FAM171A2: variants seen among roughly 807,000 people sequenced by gnomAD.
The protein encoded by FAM171A2 is protein FAM171A2.
In FAM171A2, 13 loss-of-function variants were observed where a neutral mutation model predicts 34.2. The observed-to-expected ratio is 0.38, with a 90% CI of 0.25 to 0.60. The LOEUF (loss-of-function observed/expected upper bound fraction) is 0.60, where lower values mean the gene tolerates loss of function less well. FAM171A2 is among the 20% of genes least tolerant of loss of function. FAM171A2 has a pLI of 0.62. For missense variants in FAM171A2, 950 were observed against 1,180.7 expected (o/e 0.80, Z 2.86); for synonymous variants, 475 against 561.2 (o/e 0.85, Z 2.17).
In FAM171A2 at chr17:44,354,299, C is replaced by A; in HGVS notation, c.1915G>T (p.Glu639Ter). ...ACGCCCAGTTCCAGCAGCTTCTTCT[C>A]GGTCAGGGCCTGCAGCTCCCCGTTG... The part of the protein sequence containing the change: ...QLNGELQALT[E>*]KKLLELGVKP... Residue 639 changes from glutamate (E) to a stop codon, truncating the protein, a stop_gained, in exon 8 of 8, where the codon GAG becomes TAG. Coordinates refer to ENST00000293443, the MANE Select transcript of FAM171A2 (RefSeq NM_198475.3). LOFTEE classifies it low-confidence loss of function (END_TRUNC). This position sits in a 1 kb window ranked among gnomAD's most constrained non-coding sequence, Gnocchi z 5.8. 1 of 1,452,350 alleles carries A rather than the reference C, an allele frequency of 6.9e-7. No individual in the cohort carries two copies. Among genetic ancestry groups the A allele is most frequent in the Non-Finnish European group, 9.1e-7 (1 of 1,093,282 alleles). The allele number at this position is 1,452,350 out of a possible 1,614,324, so 90.0% of individuals were successfully genotyped here. A position where few individuals can be genotyped will look rare whatever the true frequency, so the allele number is the denominator to read the frequency against.
intron 1 of FAM171A2, 53 bp from the exon 2 acceptor site, chr17:44,360,185 C>G: frequency 7.0e-7 from 1 of 1,425,510 alleles, no homozygotes; most frequent in Non-Finnish European, 9.6e-7. Flanking sequence ...GGAAAGAGAA[C>G]TGGGGGGAGC....
At chr17:44,362,550 C>T (rs1252002062) in intron 1 of FAM171A2, among the ~76,000 whole-genome samples, 1 of 152,212 alleles carries the variant, frequency 6.6e-6, no homozygotes, top group East Asian at 1.9e-4. Context: ...ATGGGGCCCA[C>T]AGGCAGGAGA....
intron 3 of FAM171A2, among the ~76,000 whole-genome samples, chr17:44,357,730 C>CGTGTGTGTGTGTGT (rs141824631): frequency 0.035 from 4,987 of 143,226 alleles, 129 homozygotes; most frequent in African/African-American, 0.049. Context: ...CAGTTTAGGT[C>CGTGTGTGTGTGTGT]GTGTGTGTGT....
intron 1 of FAM171A2, among the ~76,000 whole-genome samples, chr17:44,362,560 A>AG (rs2048452187): frequency 6.6e-6 from 1 of 152,072 alleles, no homozygotes; most frequent in African/African-American, 2.4e-5. Flanking sequence ...CAGGCAGGAG[A>AG]GGGAGAGCAG....
chr17:44,357,466 G>T (rs2048429513), intron 3 of FAM171A2, among the ~76,000 whole-genome samples: 1 of 151,852 alleles, frequency 6.6e-6, no homozygotes, highest in African/African-American at 2.4e-5. Context: ...GGCCAAGATG[G>T]TGAAACCCCA....
At chr17:44,356,648 G>A in intron 3 of FAM171A2, 60 bp from the exon 4 acceptor site, 1 of 1,465,300 alleles carries the variant, frequency 6.8e-7, no homozygotes, top group Non-Finnish European at 9.0e-7. Flanking sequence ...AGGGACCAGA[G>A]CAGAAACCCA....
chr17:44,357,889 T>C (rs572364006), intron 3 of FAM171A2, among the ~76,000 whole-genome samples: 25 of 152,286 alleles, frequency 1.6e-4, no homozygotes, highest in Middle Eastern at 3.4e-3. Flanking sequence ...ATTAGGAAAA[T>C]AGCCCCTGAG....
Position 44,354,595 on chromosome 17 carries a change from A to G in FAM171A2, c.1619T>C (p.Leu540Pro). The change falls in exon 8 of 8, where the codon CTG becomes CCG. Residue 540 changes from leucine to proline, a missense_variant. By Grantham distance (98) the Leu-to-Pro change is moderately conservative (BLOSUM62 -3). Around this residue, in one of 3 missense-constraint regions of FAM171A2, gnomAD observed 752 missense variants for 924.5 expected, o/e 0.81. Coordinates refer to ENST00000293443, the MANE Select transcript of FAM171A2 (RefSeq NM_198475.3). The surrounding 1 kb of genome is among the most constrained non-coding windows in gnomAD (Gnocchi z 5.8). ...GCGCACGTAGTGCGCGGGGATCACC[A>G]GGGTGGGCATGACGTTGCGGTAGAC... ...DNVYRNVMPTLVIPAHYVRLG... is the reference protein window; with the variant it reads ...DNVYRNVMPTPVIPAHYVRLG... 1 of 1,242,746 alleles carries G rather than the reference A, an allele frequency of 8.0e-7. No homozygotes were observed. Among genetic ancestry groups the G allele is most frequent in the Admixed American group, 4.3e-5 (1 of 23,498 alleles). 77.0% of individuals were successfully genotyped at this position (1,242,746 alleles called of 1,614,324 possible).
In FAM171A2 at chr17:44,353,860, AGCTCGCTGGCGCTGCT is replaced by A; in HGVS notation, c.2338_2353del (p.Ser780CysfsTer36). On this transcript the variant is annotated frameshift_variant, in exon 8 of 8. Coordinates refer to ENST00000293443, the MANE Select transcript of FAM171A2 (RefSeq NM_198475.3). LOFTEE classifies it low-confidence loss of function (END_TRUNC). ...CGGGCTGGTGAGCGAGTCGCGCCGC[AGCTCGCTGGCGCTGCT>A]GCGGGAGCTGTCCCCGCGGCTGCGG... 1 of 1,379,044 alleles carries A rather than the reference AGCTCGCTGGCGCTGCT, an allele frequency of 7.3e-7. No individual in the cohort carries two copies. The highest frequency in any genetic ancestry group is 9.4e-7 in the Non-Finnish European group (1 of 1,065,440). The allele number at this position is 1,379,044 out of a possible 1,614,324, so 85.4% of individuals were successfully genotyped here. A position where few individuals can be genotyped will look rare whatever the true frequency, so the allele number is the denominator to read the frequency against.
At position 44,354,104 on chromosome 17, in the gene FAM171A2, TCGCGGGCCGGCGGCG is replaced by T. The variant is rs1180996924; in HGVS notation, c.2095_2109del (p.Arg700_Arg704del). On this transcript the variant is annotated inframe_deletion, in exon 8 of 8. Transcript: ENST00000293443. The surrounding 1 kb of genome is among the most constrained non-coding windows in gnomAD (Gnocchi z 5.8). ...GGCGGGGCGCGCTCCCGCTCCTCCC[TCGCGGGCCGGCGGCG>T]CGCGGGCCGCGCCTCGTGGACATCT... 6 of 1,122,234 alleles carry T rather than the reference TCGCGGGCCGGCGGCG, an allele frequency of 5.3e-6. No individual in the cohort carries two copies. Among genetic ancestry groups the T allele is most frequent in the East Asian group, 4.4e-5 (1 of 22,632 alleles). 69.5% of individuals were successfully genotyped at this position (1,122,234 alleles called of 1,614,324 possible). A position where few individuals can be genotyped will look rare whatever the true frequency, so the allele number is the denominator to read the frequency against.
Position 44,355,852 on chromosome 17 carries a change from CGAGGGCTTAGCGTTCAGG to C in FAM171A2, c.896-29_896-12del. 6.4e-7 allele frequency: 1 copy of C among 1,551,556 alleles called. No homozygotes were observed. Among genetic ancestry groups the C allele is most frequent in the Non-Finnish European group, 8.7e-7 (1 of 1,146,962 alleles). On this transcript the variant is annotated splice_polypyrimidine_tract_variant and intron_variant, in intron 6 of 7. Coordinates refer to ENST00000293443, the MANE Select transcript of FAM171A2 (RefSeq NM_198475.3). The surrounding 1 kb of genome is among the most constrained non-coding windows in gnomAD (Gnocchi z 4.1). ...TGATGGTGACCAGCCCTGTGCCAGG[CGAGGGCTTAGCGTTCAGG>C]TGTAGACACCCTTCCTGCCTTTCAG...
chr17:44,360,660 G>A (rs1467784526), intron 1 of FAM171A2, among the ~76,000 whole-genome samples: 2 of 152,124 alleles, frequency 1.3e-5, no homozygotes, highest in African/African-American at 4.8e-5. Context: ...AGGACAGGAG[G>A]GCTGAGAAAG....
intron 2 of FAM171A2, 30 bp downstream of exon 2, chr17:44,359,875 T>TC (rs752248217): frequency 9.9e-5 from 148 of 1,492,860 alleles, no homozygotes; most frequent in Admixed American, 2.1e-4. Flanking sequence ...TCAGCTGCTG[T>TC]CCCCCCCCTC....
At chr17:44,359,872 C>A in intron 2 of FAM171A2, 33 bp downstream of exon 2, 1 of 1,498,496 alleles carries the variant, frequency 6.7e-7, no homozygotes, top group Non-Finnish European at 9.0e-7. Flanking sequence ...GGGTCAGCTG[C>A]TGTCCCCCCC....
chr17:44,359,057 C>T (rs1460198296), intron 3 of FAM171A2: 1 of 158,002 alleles, frequency 6.3e-6, no homozygotes, highest in Non-Finnish European at 1.4e-5. Flanking sequence ...GATCTGTCTT[C>T]CTACTTGTCT....
chr17:44,354,318 C>T lies in FAM171A2; in HGVS notation c.1896G>A (p.Gly632=), dbSNP rs2048408382. 2.8e-6 allele frequency: 4 copies of T among 1,448,316 alleles called. No individual in the cohort carries two copies. The highest frequency in any genetic ancestry group is 1.8e-4 in the Middle Eastern group (1 of 5,548). The allele number at this position is 1,448,316 out of a possible 1,614,324, so 89.7% of individuals were successfully genotyped here. A position where few individuals can be genotyped will look rare whatever the true frequency, so the allele number is the denominator to read the frequency against. The change falls in exon 8 of 8, where the codon GGG becomes GGA. Residue 632 remains glycine, a synonymous_variant. Transcript: ENST00000293443. This position sits in a 1 kb window ranked among gnomAD's most constrained non-coding sequence, Gnocchi z 5.8. ...FNESTMAQLN[G]ELQALTEKKL... is the part of the protein sequence containing the mutation. ...TCTTCTCGGTCAGGGCCTGCAGCTC[C>T]CCGTTGAGCTGCGCCATGGTGGACT...
rs185465467 is a variant in FAM171A2, at chr17:44,357,302, G to A, written c.440-714C>T. Among the ~76,000 whole-genome samples the A allele has an allele frequency of 4.5e-4, 65 of 145,390 alleles. 2 individuals carry two copies. In the East Asian group the frequency reaches 0.012, roughly 26 times the overall value. ...GGGGAGGTTGCGGTGAGCTGAGATT[G>A]TGCCATTGCACTCCTGTCTGGGCAT... On this transcript the variant is annotated intron_variant, in intron 3 of 7. Transcript: ENST00000293443.
At chr17:44,358,694 A>C (rs765213633) in intron 3 of FAM171A2, among the ~76,000 whole-genome samples, 2 of 151,932 alleles carry the variant, frequency 1.3e-5, no homozygotes, top group African/African-American at 2.4e-5. Context: ...TCAAAAAAAA[A>C]CCCAACAACA....
rs1181028877 is a variant in FAM171A2, at chr17:44,356,445, C to T, written c.583G>A (p.Glu195Lys). 2.6e-6 allele frequency: 4 copies of T among 1,550,970 alleles called. No individual in the cohort carries two copies. Among genetic ancestry groups the T allele is most frequent in the Non-Finnish European group, 3.5e-6 (4 of 1,146,944 alleles). ...CCCAGCCTACCTGAGCTGGAGGCCT[C>T]AGTGCCCAGGAAGGCAGGGAAAGCC... is the stretch of plus-strand genomic sequence containing the variant. ...MRAFPAFLGT[E>K]ASSSGNGSWL... Residue 195 changes from glutamate to lysine, a missense_variant, in exon 4 of 8, where the codon GAG becomes AAG. Physicochemically the swap from Glu to Lys is moderately conservative, Grantham distance 56. Transcript: ENST00000293443.
Sources: gnomAD v4.1 joint callset for allele counts (sites outside exome capture counted in the v4.1 genomes callset) on GRCh38, gnomAD v4.1.1 for gene constraint, gnomAD v4.1.1 regional missense constraint, Gnocchi (gnomAD v3.1) non-coding constraint, MANE v1.5 for transcripts, NCBI Gene and HGNC (gene_info 2026-07-23, HGNC 2026-07-21) for gene names.